The following PLEKHH2 variants were observed in gnomAD, a reference collection of about 807,000 sequenced individuals.
PLEKHH2 encodes pleckstrin homology domain-containing family H member 2.
A neutral mutation model predicts 187.9 loss-of-function variants in PLEKHH2; 129 were observed. The ratio of observed to expected loss-of-function variants is 0.69; its 90% CI spans 0.59 to 0.79. PLEKHH2 has a LOEUF of 0.79. Ranked by LOEUF, PLEKHH2 falls within the 30% of genes least tolerant of loss-of-function variation. The probability of loss-of-function intolerance (pLI) is 0.00; values close to 1 mark genes in which losing one functional copy is unlikely to be tolerated. For synonymous variants in PLEKHH2, 686 were observed against 605.6 expected (o/e 1.13, Z -1.95); for missense variants, 2,076 against 1,751.2 (o/e 1.19, Z -3.31).
At chr2:43,682,129 C>T (rs13028533) in intron 3 of PLEKHH2, among the ~76,000 whole-genome samples, 61,145 of 151,746 alleles carry the variant, frequency 0.4, 12,660 homozygotes, top group African/African-American at 0.43. Context: ...TTATTATATA[C>T]TATACTAATC....
At chr2:43,712,069 T>A in intron 14 of PLEKHH2, 156 bp from the exon 15 acceptor site, 1 of 1,286,852 alleles carries the variant, frequency 7.8e-7, no homozygotes, top group Non-Finnish European at 1.0e-6. Context: ...TAAAATATTC[T>A]AACTGATATG....
rs78192773 is a variant in PLEKHH2 at position 43,695,271 on chromosome 2, A to G, written c.502+47A>G. 2.4e-4 allele frequency: 262 copies of G among 1,078,694 alleles called. 2 individuals are homozygous for G. In the African/African-American group the frequency reaches 3.8e-3, roughly 16 times the overall value. The allele number at this position is 1,078,694 out of a possible 1,614,324, so 66.8% of individuals were successfully genotyped here. On this transcript the variant is annotated intron_variant, in intron 6 of 29. Transcript: ENST00000282406. ...AGCTTAGTTGGATTTATTTGACTATATAGGCTTTTACTTTTTTTGATGTTT... is the reference window on the plus strand; with the variant it reads ...AGCTTAGTTGGATTTATTTGACTATGTAGGCTTTTACTTTTTTTGATGTTT...
intron 8 of PLEKHH2, among the ~76,000 whole-genome samples, chr2:43,702,616 G>C (rs973047334): frequency 7.5e-6 from 1 of 133,114 alleles, no homozygotes; most frequent in Non-Finnish European, 1.5e-5. Flanking sequence ...CTTTTCAAAA[G>C]CCTTCCAGCA....
At chr2:43,746,839 G>A (rs568956222) in intron 24 of PLEKHH2, among the ~76,000 whole-genome samples, 25 of 151,910 alleles carry the variant, frequency 1.6e-4, no homozygotes, top group African/African-American at 5.3e-4. Flanking sequence ...GCGTGGTGGC[G>A]GGCACCTGTA....
chr2:43,655,295 A>G (rs1360070910), intron 2 of PLEKHH2, among the ~76,000 whole-genome samples: 2 of 152,188 alleles, frequency 1.3e-5, no homozygotes, highest in Non-Finnish European at 2.9e-5. Context: ...AAAACAACAA[A>G]AAAATATCTG....
At chr2:43,654,362 T>A (rs1344000360) in intron 2 of PLEKHH2, among the ~76,000 whole-genome samples, 1 of 151,660 alleles carries the variant, frequency 6.6e-6, no homozygotes, top group Non-Finnish European at 1.5e-5. Context: ...ATCCAGCTAA[T>A]TTTTTTGTAT....
intron 2 of PLEKHH2, chr2:43,675,970 AC>A (rs1202809721): frequency 1.9e-6 from 3 of 1,613,842 alleles, no homozygotes; most frequent in African/African-American, 2.7e-5. Context: ...CCTCATCTGT[AC>A]CCACCTGTCA....
chr2:43,742,309 A>AT (rs71393204), intron 21 of PLEKHH2, among the ~76,000 whole-genome samples: 15,168 of 145,808 alleles, frequency 0.1, 934 homozygotes, highest in African/African-American at 0.18. Flanking sequence ...GCCTGAAGAC[A>AT]TTTTTTTTTT....
chr2:43,715,377 G>A (rs941922525), intron 15 of PLEKHH2, among the ~76,000 whole-genome samples: 1 of 152,204 alleles, frequency 6.6e-6, no homozygotes, highest in African/African-American at 2.4e-5. Flanking sequence ...ATGGTGGAAA[G>A]CTATTTTTGT....
At chr2:43,745,184 C>T (rs1408202779) in intron 23 of PLEKHH2, among the ~76,000 whole-genome samples, 1 of 152,068 alleles carries the variant, frequency 6.6e-6, no homozygotes, top group Non-Finnish European at 1.5e-5. Context: ...GGCATGGCGG[C>T]GGGTGCCTGT....
At position 43,644,747 on chromosome 2, in the gene PLEKHH2, T is replaced by A; in HGVS notation, c.74T>A (p.Met25Lys). ...TGTGTAGCTCTGGAGTCCCAACTCA[T>A]GAAATTTAGAGTTCAAGCAAGCAAG... The part of the protein sequence containing the change: ...ERCVALESQL[M>K]KFRVQASKIR... The change falls in exon 2 of 30, where the codon ATG (methionine) becomes AAG (lysine). Residue 25 changes from methionine to lysine, a missense_variant. Physicochemically the swap from Met to Lys is moderately conservative, Grantham distance 95. Transcript: ENST00000282406. 6.2e-7 allele frequency: 1 copy of A among 1,610,338 alleles called. No individual in the cohort carries two copies.
chr2:43,680,801 C>T (rs1378472269), intron 3 of PLEKHH2: 5 of 387,926 alleles, frequency 1.3e-5, no homozygotes, highest in Admixed American at 3.6e-5. Flanking sequence ...TTTCTTGACA[C>T]TACCAATTAT....
intron 16 of PLEKHH2, among the ~76,000 whole-genome samples, chr2:43,723,790 G>A (rs6740998): frequency 0.19 from 29,167 of 152,104 alleles, 3,562 homozygotes; most frequent in African/African-American, 0.34. Context: ...CAACTGGAGG[G>A]CTTTGAGCGG....
At chr2:43,705,818 A>G (rs907746905) in intron 9 of PLEKHH2, among the ~76,000 whole-genome samples, 2 of 152,054 alleles carry the variant, frequency 1.3e-5, no homozygotes, top group African/African-American at 4.8e-5. Context: ...CATGTTGCCC[A>G]GGTTGGTCTC....
intron 18 of PLEKHH2, 93 bp downstream of exon 18, chr2:43,729,838 G>A (rs1670952794): frequency 1.3e-6 from 1 of 767,498 alleles, no homozygotes; most frequent in Admixed American, 3.6e-5. Context: ...ATGGGTTCCT[G>A]TTTCCCTGAA....
intron 14 of PLEKHH2, chr2:43,711,105 T>C (rs1669941943): frequency 1.0e-6 from 1 of 985,790 alleles, no homozygotes; most frequent in Non-Finnish European, 1.2e-6. Flanking sequence ...ATAAGGCCAG[T>C]CTTGCCAGAA....
chr2:43,711,614 G>C (rs950362316), intron 14 of PLEKHH2: 80 of 967,428 alleles, frequency 8.3e-5, no homozygotes, highest in Non-Finnish European at 9.5e-5. Flanking sequence ...GAACCTGGCC[G>C]GGCGCGGTGG....
chr2:43,668,586 T>G (rs1237052295), intron 2 of PLEKHH2, among the ~76,000 whole-genome samples: 3 of 152,208 alleles, frequency 2.0e-5, no homozygotes, highest in African/African-American at 7.2e-5. Context: ...GAACTTCTTG[T>G]GTATATAACA....
intron 2 of PLEKHH2, among the ~76,000 whole-genome samples, chr2:43,669,528 A>G (rs533042504): frequency 2.1e-4 from 32 of 152,362 alleles, no homozygotes; most frequent in Non-Finnish European, 3.8e-4. Flanking sequence ...ACAAAATGAT[A>G]TAAGACACGA....
Sources: allele counts gnomAD v4.1 joint callset (sites outside exome capture counted in the v4.1 genomes callset), GRCh38; gene constraint gnomAD v4.1.1; transcripts MANE v1.5; gene names NCBI Gene and HGNC (gene_info 2026-07-23, HGNC 2026-07-21).